COPG1: variants seen among roughly 807,000 people sequenced by gnomAD.
The protein encoded by COPG1 is coatomer subunit gamma-1.
In COPG1, 29 loss-of-function variants were observed where a neutral mutation model predicts 102.8. The observed-to-expected ratio is 0.28, with a 90% CI of 0.21 to 0.38. The LOEUF (loss-of-function observed/expected upper bound fraction) is 0.38. Among genes scored for constraint, COPG1 ranks in the 10% least tolerant of loss-of-function variants. The pLI is 1.00. For synonymous variants in COPG1, 406 were observed against 421.6 expected, an observed-to-expected ratio of 0.96 and a Z score of 0.45; for missense variants, 875 against 1,132.7, an observed-to-expected ratio of 0.77 and a Z score of 3.27.
At chr3:129,269,362 G>A (rs987806696) in intron 18 of COPG1, among the ~76,000 whole-genome samples, 44 of 152,200 alleles carry the variant, frequency 2.9e-4, no homozygotes, top group Admixed American at 1.4e-3. Context: ...CGGGTTCCAC[G>A]TGTGTTCTGT....
At chr3:129,253,299 C>T (rs145543746) in intron 5 of COPG1, among the ~76,000 whole-genome samples, 72 of 152,334 alleles carry the variant, frequency 4.7e-4, no homozygotes, top group East Asian at 2.9e-3. Flanking sequence ...TGACTGGTGT[C>T]TGCTTTAAGC....
At chr3:129,254,295 C>CAAA (rs62829860) in intron 5 of COPG1, 3 of 157,050 alleles carry the variant, frequency 1.9e-5, no homozygotes, top group African/African-American at 5.1e-5. Context: ...GACTCTGTCT[C>CAAA]AAAAAAAAAA....
At chr3:129,274,483 C>T (rs1207502020) in intron 21 of COPG1, among the ~76,000 whole-genome samples, 1 of 152,148 alleles carries the variant, frequency 6.6e-6, no homozygotes, top group Non-Finnish European at 1.5e-5. Context: ...GAGGGACAGG[C>T]ATAGGAAGCA....
At chr3:129,250,461 G>T (rs17523203) in intron 1 of COPG1, among the ~76,000 whole-genome samples, 1 of 152,174 alleles carries the variant, frequency 6.6e-6, no homozygotes, top group East Asian at 1.9e-4. Context: ...ACTGTACCAG[G>T]GCTGCTGGGA....
intron 23 of COPG1, among the ~76,000 whole-genome samples, chr3:129,276,332 CA>C (rs1230720478): frequency 6.6e-6 from 1 of 152,190 alleles, no homozygotes; most frequent in Non-Finnish European, 1.5e-5. Flanking sequence ...TGAGTGTACC[CA>C]CACTCATTCT....
intron 2 of COPG1, among the ~76,000 whole-genome samples, chr3:129,251,508 A>T (rs56282067): frequency 6.6e-6 from 1 of 150,572 alleles, no homozygotes; most frequent in Admixed American, 6.6e-5. Flanking sequence ...TCAGCCTCCC[A>T]AGTAGCCGGG....
intron 2 of COPG1, among the ~76,000 whole-genome samples, chr3:129,251,451 G>A (rs935559834): frequency 2.0e-5 from 3 of 150,650 alleles, no homozygotes; most frequent in Non-Finnish European, 3.0e-5. Flanking sequence ...GCACGATCTC[G>A]GCTCAACTGC....
At chr3:129,257,959 A>C in intron 10 of COPG1, 99 bp downstream of exon 10, 1 of 1,478,746 alleles carries the variant, frequency 6.8e-7, no homozygotes, top group Non-Finnish European at 9.2e-7. Context: ...TGCTCTTAAC[A>C]AGTGTTAAGG....
intron 2 of COPG1, among the ~76,000 whole-genome samples, chr3:129,252,074 CCTAA>C (rs1212221486): frequency 1.3e-5 from 2 of 152,136 alleles, no homozygotes; most frequent in African/African-American, 2.4e-5. Flanking sequence ...TTAGCACATC[CCTAA>C]CTAATATTTA....
chr3:129,257,890 CAT>C (rs753905985), intron 10 of COPG1, 30 bp downstream of exon 10: 2 of 1,606,612 alleles, frequency 1.2e-6, no homozygotes, highest in East Asian at 2.2e-5. Flanking sequence ...CCCAGCCTCA[CAT>C]GTTTATGCTT....
intron 15 of COPG1, among the ~76,000 whole-genome samples, 157 bp from the exon 16 acceptor site, chr3:129,267,780 A>G (rs1387610008): frequency 1.3e-5 from 2 of 152,184 alleles, no homozygotes; most frequent in Non-Finnish European, 2.9e-5. Flanking sequence ...CTCAGTGTTC[A>G]TGAGTGTGGC....
rs556144220 is a variant in COPG1, at chr3:129,262,684, C to T, written c.1129-1220C>T. On this transcript the variant is annotated intron_variant, in intron 12 of 23. Coordinates refer to ENST00000314797, the MANE Select transcript of COPG1 (RefSeq NM_016128.4). Reference sequence around the variant, plus strand: ...GCTGCAGTGAGCCATGATCATGCCACTGCACTCCAGCCTGGGTGACAGAGT... The same window carrying T: ...GCTGCAGTGAGCCATGATCATGCCATTGCACTCCAGCCTGGGTGACAGAGT... Among the ~76,000 whole-genome samples the T allele has an allele frequency of 1.8e-3, 277 of 151,368 alleles. 1 individual carries two copies. The highest frequency in any genetic ancestry group is 6.4e-3 in the African/African-American group (262 of 41,104).
chr3:129,260,872 G>T, intron 12 of COPG1, 65 bp downstream of exon 12: 4 of 1,536,964 alleles, frequency 2.6e-6, no homozygotes, highest in Middle Eastern at 2.4e-4. Flanking sequence ...GCTCTCTGTG[G>T]CCACAGCCTT....
chr3:129,257,661 G>A lies in COPG1; in HGVS notation c.737+34G>A. On this transcript the variant is annotated intron_variant, in intron 9 of 23. Transcript: ENST00000314797. ...TCTCATCTCTCACCAGCTAGATGATGCCTCACTCATCCTACCATGCTGGGC... is the reference window on the plus strand; with the variant it reads ...TCTCATCTCTCACCAGCTAGATGATACCTCACTCATCCTACCATGCTGGGC... 3 of 1,614,080 alleles carry A rather than the reference G, an allele frequency of 1.9e-6. No individual in the cohort carries two copies. The South Asian group carries it at 3.3e-5, about 18-fold the overall frequency.
At chr3:129,257,396 C>T in intron 8 of COPG1, 74 bp from the exon 9 acceptor site, 1 of 1,543,814 alleles carries the variant, frequency 6.5e-7, no homozygotes, top group Non-Finnish European at 8.9e-7. Context: ...GGCTGAAGGA[C>T]CCACCCAGGG....
chr3:129,269,026 T>C, intron 18 of COPG1, 26 bp downstream of exon 18: 1 of 1,607,172 alleles, frequency 6.2e-7, no homozygotes, highest in Non-Finnish European at 8.5e-7. Context: ...TGGGGGATGC[T>C]TGGGACCTGG....
chr3:129,255,175 CTTTCT>C, intron 7 of COPG1, 98 bp downstream of exon 7: 3 of 760,848 alleles, frequency 3.9e-6, no homozygotes, highest in South Asian at 3.5e-5. Flanking sequence ...GTGTTTCTTT[CTTTCT>C]TTTTTTTTTT....
chr3:129,252,753 G>A, intron 4 of COPG1, 59 bp downstream of exon 4: 1 of 1,566,600 alleles, frequency 6.4e-7, no homozygotes, highest in Non-Finnish European at 8.8e-7. Context: ...GTGGTGGGAG[G>A]GCCAAAGAGA....
intron 10 of COPG1, among the ~76,000 whole-genome samples, chr3:129,259,754 A>C (rs371696086): frequency 2.0e-5 from 3 of 152,256 alleles, no homozygotes; most frequent in African/African-American, 7.2e-5. Context: ...AGGGAGGGAT[A>C]TGGTACCCGA....
Sources: allele counts gnomAD v4.1 joint callset (sites outside exome capture counted in the v4.1 genomes callset), GRCh38; gene constraint gnomAD v4.1.1; transcripts MANE v1.5; gene names NCBI Gene and HGNC (gene_info 2026-07-23, HGNC 2026-07-21).